SEC24D: variants seen among roughly 807,000 people sequenced by gnomAD.
SEC24D encodes SEC24 homolog D, COPII component.
In SEC24D, 69 loss-of-function variants were observed where a neutral mutation model predicts 116.9. That is an observed-to-expected ratio of 0.59 (90% CI 0.49 to 0.72). The LOEUF is 0.72. Among genes scored for constraint, SEC24D ranks in the 30% least tolerant of loss-of-function variants. The pLI, the probability that SEC24D is intolerant of heterozygous loss-of-function variation, is 0.00. For synonymous variants in SEC24D, 405 were observed against 442.8 expected (o/e 0.91, Z 1.07); for missense variants, 1,131 against 1,264.1 (o/e 0.89, Z 1.60).
intron 8 of SEC24D, among the ~76,000 whole-genome samples, chr4:118,771,004 G>A (rs964764162): frequency 1.3e-5 from 2 of 152,070 alleles, no homozygotes; most frequent in Non-Finnish European, 2.9e-5. Context: ...ACAGGGCAAG[G>A]GCTTCTAAAT....
intron 9 of SEC24D, 52 bp downstream of exon 9, chr4:118,768,121 A>G: frequency 6.7e-7 from 1 of 1,489,060 alleles, no homozygotes; most frequent in African/African-American, 1.4e-5. Flanking sequence ...GAAGTATAAT[A>G]CATTTTAGTT....
intron 10 of SEC24D, among the ~76,000 whole-genome samples, chr4:118,760,801 G>T (rs546337368): frequency 6.6e-6 from 1 of 151,952 alleles, no homozygotes; most frequent in South Asian, 2.1e-4. Context: ...TCCAACTCCC[G>T]GGTTCAAGCG....
At chr4:118,766,260 G>T (rs2110471374) in intron 9 of SEC24D, among the ~76,000 whole-genome samples, 1 of 151,898 alleles carries the variant, frequency 6.6e-6, no homozygotes, top group East Asian at 1.9e-4. Flanking sequence ...CTACCCTTTG[G>T]CCCCTGTCTT....
chr4:118,753,842 T>C (rs1726953769), intron 11 of SEC24D, among the ~76,000 whole-genome samples: 1 of 152,202 alleles, frequency 6.6e-6, no homozygotes, highest in Non-Finnish European at 1.5e-5. Context: ...CATGCCACTT[T>C]CTTTGACCAT....
Position 118,833,580 on chromosome 4 carries a change from T to G in SEC24D, c.117A>C (p.Thr39=), listed in dbSNP as rs952922720. The change falls in exon 2 of 23, where the codon ACA becomes ACC. Residue 39 remains threonine, a splice_region_variant and synonymous_variant. Coordinates refer to ENST00000280551, the MANE Select transcript of SEC24D (RefSeq NM_014822.4). ...ACAAGTCAAAATAACACACTGTACC[T>G]GTTGGAGATGCTGTGTGCGACGGAT... is the stretch of plus-strand genomic sequence containing the variant. ...YGDPSHTASP[T]GMMKPAGPLG... 1 of 1,596,956 alleles carries G rather than the reference T, an allele frequency of 6.3e-7. No homozygotes were observed. Among genetic ancestry groups the G allele is most frequent in the African/African-American group, 1.3e-5 (1 of 74,552 alleles).
rs2110469303 is a variant in SEC24D, at chr4:118,763,971, A to T, written c.1296+831T>A. Among the ~76,000 whole-genome samples, 3 of 152,352 alleles carry T rather than the reference A, an allele frequency of 2.0e-5. No homozygotes were observed. The South Asian group carries it at 6.2e-4, about 32-fold the overall frequency. The stretch of plus-strand genomic sequence containing the variant: ...AGTTGCAAATGCATATACACAATTA[A>T]AATTTCAGCCAGGCATTACAGAATA... On this transcript the variant is annotated intron_variant, in intron 10 of 22. Transcript: ENST00000280551.
chr4:118,775,685 C>T (rs940090098), intron 8 of SEC24D, among the ~76,000 whole-genome samples: 2 of 152,154 alleles, frequency 1.3e-5, no homozygotes, highest in Admixed American at 1.3e-4. Flanking sequence ...GTTGTTACTA[C>T]ATGGTAGGAA....
chr4:118,760,886 TA>T (rs1346483693), intron 10 of SEC24D, among the ~76,000 whole-genome samples: 8 of 148,436 alleles, frequency 5.4e-5, no homozygotes, highest in Admixed American at 2.7e-4. Flanking sequence ...TTTTTTTTTT[TA>T]TTTTTATTTT....
chr4:118,813,806 T>A (rs1443448227), intron 6 of SEC24D, among the ~76,000 whole-genome samples: 2 of 152,180 alleles, frequency 1.3e-5, no homozygotes, highest in East Asian at 3.8e-4. Flanking sequence ...GTCACCTGAT[T>A]TGTGGTAATT....
chr4:118,815,975 A>C (rs1260380784), intron 4 of SEC24D, among the ~76,000 whole-genome samples: 1 of 151,984 alleles, frequency 6.6e-6, no homozygotes, highest in Admixed American at 6.6e-5. Flanking sequence ...AGGCTGCAAT[A>C]CAATGGCAAG....
rs1729320501 is a variant in SEC24D, at chr4:118,799,319, G to C, written c.914-1509C>G. Reference sequence around the variant, plus strand: ...ATTGCCACCAACTGACAAAGTAAAGGCTGCAGAAAGGGAAGGGATGTTTTA... The same window carrying C: ...ATTGCCACCAACTGACAAAGTAAAGCCTGCAGAAAGGGAAGGGATGTTTTA... On this transcript the variant is annotated intron_variant, in intron 7 of 22. Coordinates refer to ENST00000280551, the MANE Select transcript of SEC24D (RefSeq NM_014822.4). Among the ~76,000 whole-genome samples, 3 of 152,294 alleles carry C rather than the reference G, an allele frequency of 2.0e-5. No homozygotes were observed. In the South Asian group the frequency reaches 6.2e-4, roughly 32 times the overall value.
chr4:118,743,385 C>T (rs558362227), intron 15 of SEC24D, among the ~76,000 whole-genome samples: 1 of 152,022 alleles, frequency 6.6e-6, no homozygotes, highest in East Asian at 1.9e-4. Flanking sequence ...ACACAGTTGT[C>T]TCTCGTTATC....
At chr4:118,748,531 C>T (rs1458729832) in intron 13 of SEC24D, among the ~76,000 whole-genome samples, 2 of 152,070 alleles carry the variant, frequency 1.3e-5, no homozygotes, top group South Asian at 2.1e-4. Flanking sequence ...CCTATAGGAG[C>T]GAGTCATACA....
intron 2 of SEC24D, among the ~76,000 whole-genome samples, chr4:118,832,667 C>G (rs1371853999): frequency 6.6e-6 from 1 of 152,132 alleles, no homozygotes; most frequent in Non-Finnish European, 1.5e-5. Flanking sequence ...GTTTTCCTAG[C>G]TGCAAAAATA....
At chr4:118,802,359 C>T (rs56303276) in intron 7 of SEC24D, among the ~76,000 whole-genome samples, 6,167 of 152,266 alleles carry the variant, frequency 0.041, 191 homozygotes, top group Non-Finnish European at 0.063. Context: ...GCCACTTAAC[C>T]TCCCTGGGCC....
chr4:118,830,539 T>C (rs921396280), intron 2 of SEC24D, among the ~76,000 whole-genome samples: 24 of 152,280 alleles, frequency 1.6e-4, no homozygotes, highest in Non-Finnish European at 5.9e-5. Flanking sequence ...TGAATAAACA[T>C]TTATAATTAG....
intron 8 of SEC24D, among the ~76,000 whole-genome samples, chr4:118,776,805 A>C (rs1055651860): frequency 1.3e-5 from 2 of 152,158 alleles, no homozygotes; most frequent in Admixed American, 1.3e-4. Context: ...AACACACTTC[A>C]TTGTTACAAT....
intron 20 of SEC24D, among the ~76,000 whole-genome samples, chr4:118,732,198 T>C (rs1725726862): frequency 6.6e-6 from 1 of 152,004 alleles, no homozygotes; most frequent in Non-Finnish European, 1.5e-5. Context: ...CTGGAGGCAC[T>C]ATCTCGGCTC....
intron 10 of SEC24D, among the ~76,000 whole-genome samples, chr4:118,763,966 A>T (rs975117356): frequency 6.6e-6 from 1 of 152,218 alleles, no homozygotes; most frequent in African/African-American, 2.4e-5. Context: ...GCATATACAC[A>T]ATTAAAATTT....
Sources: gnomAD v4.1 joint callset for allele counts (sites outside exome capture counted in the v4.1 genomes callset) on GRCh38, gnomAD v4.1.1 for gene constraint, MANE v1.5 for transcripts, NCBI Gene and HGNC (gene_info 2026-07-23, HGNC 2026-07-21) for gene names.